INTS1: variants seen among roughly 807,000 people sequenced by gnomAD.
INTS1 encodes integrator complex subunit 1.
In INTS1, 137 loss-of-function variants were observed where a neutral mutation model predicts 241.6. The ratio of observed to expected loss-of-function variants is 0.57; its 90% CI spans 0.49 to 0.65. The LOEUF (loss-of-function observed/expected upper bound fraction) is 0.65. Ranked by LOEUF, INTS1 falls within the 30% of genes least tolerant of loss-of-function variation. The pLI is 0.00. For synonymous variants in INTS1, 1,692 were observed against 1,337.8 expected, an observed-to-expected ratio of 1.26 and a Z score of -5.78; for missense variants, 3,073 against 3,032.2, an observed-to-expected ratio of 1.01 and a Z score of -0.32.
intron 30 of INTS1, 63 bp downstream of exon 30, chr7:1,480,254 A>G (rs1240603521): frequency 3.3e-6 from 5 of 1,529,236 alleles, no homozygotes; most frequent in Non-Finnish European, 2.6e-6. Flanking sequence ...GCGAGGCGGC[A>G]GCGAAGGCTG....
chr7:1,498,702 C>G lies in INTS1; in HGVS notation c.1283+5G>C. Reference sequence around the variant, plus strand: ...ACCCCCGCTCTGCCCCGGCTCGCCACGCACCTGATGCACAGCATGAAGTGG... The same window carrying G: ...ACCCCCGCTCTGCCCCGGCTCGCCAGGCACCTGATGCACAGCATGAAGTGG... On this transcript the variant is annotated splice_donor_5th_base_variant and intron_variant, in intron 9 of 47. Transcript: ENST00000404767. 1 of 1,550,384 alleles carries G rather than the reference C, an allele frequency of 6.5e-7. No homozygotes were observed. Among genetic ancestry groups the G allele is most frequent in the East Asian group, 2.4e-5 (1 of 40,894 alleles).
Position 1,474,791 on chromosome 7 carries a change from G to A in INTS1, c.5550C>T (p.Ser1850=), listed in dbSNP as rs367655126. The change falls in exon 40 of 48, where the codon AGC becomes AGT. Residue 1850 remains serine (S), a synonymous_variant. Transcript: ENST00000404767. ...HRFITLLADT[S]DSRALENRGA... ...CTCGGTTCTCCAACGCCCGGGAGTC[G>A]CTGGTGTCCGCAAGGAGCGTGATGA... is the stretch of plus-strand genomic sequence containing the variant. 2.9e-5 allele frequency: 46 copies of A among 1,585,748 alleles called. No individual in the cohort carries two copies. The highest frequency in any genetic ancestry group is 6.9e-5 in the East Asian group (3 of 43,456).
At position 1,481,608 on chromosome 7, in the gene INTS1, C is replaced by T. The variant is rs530317184; in HGVS notation, c.3704-120G>A. On this transcript the variant is annotated intron_variant, in intron 27 of 47. Coordinates refer to ENST00000404767, the MANE Select transcript of INTS1 (RefSeq NM_001080453.3). This position sits in a 1 kb window ranked among gnomAD's most constrained non-coding sequence, Gnocchi z 6.8. ...CCCACCCACCTGAGACCCTGGGCCA[C>T]GTGGGCTCGGTGACCCCACCCAAGA... The T allele has an allele frequency of 7.1e-4, 684 of 967,888 alleles. 11 individuals carry two copies. In the African/African-American group the frequency reaches 0.011, roughly 15 times the overall value. 60.0% of individuals were successfully genotyped at this position (967,888 alleles called of 1,614,324 possible). A position where few individuals can be genotyped will look rare whatever the true frequency, so the allele number is the denominator to read the frequency against.
chr7:1,482,316 TGACAGTAA>T, intron 27 of INTS1: 1 of 423,360 alleles, frequency 2.4e-6, no homozygotes, highest in Non-Finnish European at 4.2e-6. Flanking sequence ...CCCCTGAGCC[TGACAGTAA>T]GACCCTCTCG....
At chr7:1,503,418 T>A (rs373143233) in intron 2 of INTS1, among the ~76,000 whole-genome samples, 3 of 152,012 alleles carry the variant, frequency 2.0e-5, no homozygotes, top group African/African-American at 7.2e-5. Flanking sequence ...CCATCTCTGG[T>A]CTATCCAAAT....
rs373803242 is a variant in INTS1 at position 1,470,718 on chromosome 7, G to A, written c.6458-26C>T. On this transcript the variant is annotated intron_variant, in intron 47 of 47. Transcript: ENST00000404767. ...CTGTGGGGGAAACGGGGCCCTGCAC[G>A]TCACGCTGGCCACAACATCCTGGCC... 678 of 1,504,756 alleles carry A rather than the reference G, an allele frequency of 4.5e-4. 1 individual carries two copies. Among genetic ancestry groups the A allele is most frequent in the Middle Eastern group, 6.0e-4 (3 of 5,030 alleles). The allele number at this position is 1,504,756 out of a possible 1,614,324, so 93.2% of individuals were successfully genotyped here.
At chr7:1,483,982 C>CGTAGACCTCCTCGCCCTCACCCAGCT (rs774959930) in intron 25 of INTS1, 21 bp downstream of exon 25, 3 of 1,599,270 alleles carry the variant, frequency 1.9e-6, no homozygotes, top group African/African-American at 2.7e-5. Flanking sequence ...CTCACCCGGC[C>CGTAGACCTCCTCGCCCTCACCCAGCT]GTAGACCTCC....
chr7:1,476,204 A>G, intron 38 of INTS1, 25 bp downstream of exon 38: 1 of 1,542,684 alleles, frequency 6.5e-7, no homozygotes, highest in Non-Finnish European at 8.7e-7. Context: ...CCCAGGCAGC[A>G]TCTGGGGCCG....
intron 26 of INTS1, chr7:1,483,508 CTACAGG>C (rs1782095256): frequency 1.7e-6 from 1 of 590,704 alleles, no homozygotes. Flanking sequence ...GCTCAGGGCT[CTACAGG>C]CTGGGAGGTC....
At chr7:1,477,465 G>T in intron 35 of INTS1, 85 bp downstream of exon 35, 1 of 1,424,916 alleles carries the variant, frequency 7.0e-7, no homozygotes, top group Non-Finnish European at 9.2e-7. Flanking sequence ...TGCAAGGCTC[G>T]CCCAGGCCAA....
At chr7:1,480,277 G>C in intron 30 of INTS1, 40 bp downstream of exon 30, 1 of 1,570,760 alleles carries the variant, frequency 6.4e-7, no homozygotes, top group Non-Finnish European at 8.6e-7. Flanking sequence ...CGCAGGAAGA[G>C]GGGCTGCAGG....
intron 14 of INTS1, chr7:1,494,446 G>A (rs1043377163): frequency 9.1e-6 from 3 of 329,048 alleles, no homozygotes; most frequent in Non-Finnish European, 1.8e-5. Context: ...AGGCCAGCCG[G>A]CTGGGGAAGG....
chr7:1,476,759 C>T (rs1292938058), intron 36 of INTS1, 35 bp downstream of exon 36: 35 of 1,612,246 alleles, frequency 2.2e-5, no homozygotes, highest in Middle Eastern at 1.6e-4. Context: ...GGCCAGTATG[C>T]GCGCAGCCCA....
Position 1,493,133 on chromosome 7 carries a change from C to G in INTS1, c.2069-27G>C. 1.3e-6 allele frequency: 2 copies of G among 1,559,906 alleles called. No homozygotes were observed. Among genetic ancestry groups the G allele is most frequent in the Middle Eastern group, 1.7e-4 (1 of 5,858 alleles). On this transcript the variant is annotated intron_variant, in intron 15 of 47. Coordinates refer to ENST00000404767, the MANE Select transcript of INTS1 (RefSeq NM_001080453.3). The surrounding 1 kb of genome is among the most constrained non-coding windows in gnomAD (Gnocchi z 5.3). The stretch of plus-strand genomic sequence containing the variant: ...TAAGACCAAGAGCCACACATGGGTT[C>G]TGGGGCTGCTCACAGACCATCAGGC...
chr7:1,498,766 G>C lies in INTS1; in HGVS notation c.1224C>G (p.His408Gln), dbSNP rs1336507222. The C allele has an allele frequency of 2.5e-6, 4 of 1,584,742 alleles. No homozygotes were observed. Among genetic ancestry groups the C allele is most frequent in the Non-Finnish European group, 3.4e-6 (4 of 1,165,704 alleles). Reference protein sequence around the residue: ...HGSEDMDVISHLIKIRLKPKV... With the variant: ...HGSEDMDVISQLIKIRLKPKV... ...TGGGCTTGAGGCGGATCTTGATCAG[G>C]TGTGAGATGACGTCCATGTCTTCGG... The change falls in exon 9 of 48, where the codon CAC becomes CAG. Residue 408 changes from histidine to glutamine, a missense_variant. Coordinates refer to ENST00000404767, the MANE Select transcript of INTS1 (RefSeq NM_001080453.3).
Position 1,493,200 on chromosome 7 carries a change from G to A in INTS1, c.2069-94C>T. The A allele has an allele frequency of 1.1e-6, 1 of 924,264 alleles. No individual in the cohort carries two copies. The highest frequency in any genetic ancestry group is 1.7e-6 in the Non-Finnish European group (1 of 588,076). The allele number at this position is 924,264 out of a possible 1,614,324, so 57.3% of individuals were successfully genotyped here. A position where few individuals can be genotyped will look rare whatever the true frequency, so the allele number is the denominator to read the frequency against. On this transcript the variant is annotated intron_variant, in intron 15 of 47. Coordinates refer to ENST00000404767, the MANE Select transcript of INTS1 (RefSeq NM_001080453.3). The surrounding 1 kb of genome is among the most constrained non-coding windows in gnomAD (Gnocchi z 5.3). ...CCGGCCCTGCTCGGGCCGCGTCGGG[G>A]TGGGGTGGGGGATGCCGCAGGGTGG...
At chr7:1,485,611 A>G (rs1314314996) in intron 22 of INTS1, 142 bp from the exon 23 acceptor site, 2 of 833,728 alleles carry the variant, frequency 2.4e-6, no homozygotes, top group African/African-American at 3.4e-5. Context: ...CCGCAGGTAA[A>G]AGGGAAAAAC....
intron 16 of INTS1, among the ~76,000 whole-genome samples, chr7:1,491,461 A>C (rs1250607427): frequency 1.3e-5 from 2 of 152,232 alleles, no homozygotes; most frequent in Non-Finnish European, 2.9e-5. Context: ...AACACCTGAA[A>C]GTAAGAGCTG....
Position 1,484,006 on chromosome 7 carries a change from G to A in INTS1, c.3426C>T (p.Ser1142=), listed in dbSNP as rs952895152. 1.2e-6 allele frequency: 2 copies of A among 1,607,466 alleles called. No individual in the cohort carries two copies. The highest frequency in any genetic ancestry group is 2.7e-5 in the African/African-American group (2 of 74,954). Reference sequence around the variant, plus strand: ...CCGTAGACCTCCTCGCCCTCACCCAGCTGTAGACCTCCTCGCCCTCCTTGC... The same window carrying A: ...CCGTAGACCTCCTCGCCCTCACCCAACTGTAGACCTCCTCGCCCTCCTTGC... The part of the protein sequence containing the change: ...RQSKEGEEVY[S]WSESQDQVFL... Residue 1142 remains serine (S), a synonymous_variant, in exon 25 of 48, where the codon AGC becomes AGT. Coordinates refer to ENST00000404767, the MANE Select transcript of INTS1 (RefSeq NM_001080453.3).
Sources: gnomAD v4.1 joint callset for allele counts (sites outside exome capture counted in the v4.1 genomes callset) on GRCh38, gnomAD v4.1.1 for gene constraint, Gnocchi (gnomAD v3.1) non-coding constraint, MANE v1.5 for transcripts, NCBI Gene and HGNC (gene_info 2026-07-23, HGNC 2026-07-21) for gene names.